ACSS1: variants seen among roughly 807,000 people sequenced by gnomAD.
ACSS1 encodes acetyl-coenzyme A synthetase 2-like, mitochondrial.
Under a neutral mutation model 75.3 loss-of-function variants are expected in ACSS1, and 42 were observed. The ratio of observed to expected loss-of-function variants is 0.56; its 90% CI spans 0.44 to 0.72. ACSS1 has a LOEUF of 0.72. Among genes scored for constraint, ACSS1 ranks in the 30% least tolerant of loss-of-function variants. The pLI, the probability that ACSS1 is intolerant of heterozygous loss-of-function variation, is 0.00. For synonymous variants in ACSS1, 380 were observed against 376.8 expected (o/e 1.01, Z -0.10); for missense variants, 782 against 935.7 (o/e 0.84, Z 2.14).
At chr20:25,053,167 G>A (rs1196505775) in intron 1 of ACSS1, among the ~76,000 whole-genome samples, 1 of 149,822 alleles carries the variant, frequency 6.7e-6, no homozygotes, top group African/African-American at 2.5e-5. Context: ...GGGCTCAAGG[G>A]ATCCTCCCAC....
intron 2 of ACSS1, among the ~76,000 whole-genome samples, chr20:25,042,901 C>T (rs1311071388): frequency 6.6e-6 from 1 of 152,184 alleles, no homozygotes; most frequent in Non-Finnish European, 1.5e-5. Flanking sequence ...ATCCCACATG[C>T]CCCTCTCCAC....
intron 12 of ACSS1, 184 bp downstream of exon 12, chr20:25,012,417 G>A (rs45501494): frequency 0.091 from 63,922 of 703,526 alleles, 3,309 homozygotes; most frequent in African/African-American, 0.11. Context: ...TCAGAAACCC[G>A]ACCGAACACG....
chr20:25,013,900 G>C, intron 9 of ACSS1, 61 bp downstream of exon 9: 1 of 1,529,286 alleles, frequency 6.5e-7, no homozygotes, highest in Non-Finnish European at 9.0e-7. Context: ...AGCTGGGCTG[G>C]GCAGGCAGGG....
At chr20:25,044,960 G>T (rs1224288615) in intron 2 of ACSS1, among the ~76,000 whole-genome samples, 1 of 152,228 alleles carries the variant, frequency 6.6e-6, no homozygotes, top group Non-Finnish European at 1.5e-5. Context: ...GGAGGAAGCG[G>T]GGCAAAACCG....
At chr20:25,054,739 G>A (rs1347971405) in intron 1 of ACSS1, among the ~76,000 whole-genome samples, 3 of 152,222 alleles carry the variant, frequency 2.0e-5, no homozygotes, top group Non-Finnish European at 4.4e-5. Flanking sequence ...AGGAGCAGGA[G>A]CAAGTGTTAA....
chr20:25,041,305 A>G (rs966845284), intron 2 of ACSS1, among the ~76,000 whole-genome samples: 2 of 151,934 alleles, frequency 1.3e-5, no homozygotes, highest in African/African-American at 4.8e-5. Context: ...GGTGAGAAGC[A>G]AAAGCATGCA....
At chr20:25,015,321 TTTTC>T in intron 7 of ACSS1, 91 bp from the exon 8 acceptor site, 1 of 1,173,284 alleles carries the variant, frequency 8.5e-7, no homozygotes, top group Non-Finnish European at 1.2e-6. Flanking sequence ...TTGTTTTTGT[TTTTC>T]TTTGAGACTG....
chr20:25,058,139 T>C lies in ACSS1; in HGVS notation c.-37A>G. ...ACCTGAGCTCTCTGTGCTCCCAGAG[T>C]GGGTGCCTCACGCCCGGGGCGCCCC... On this transcript the variant is annotated 5_prime_UTR_variant, in exon 1 of 14. Transcript: ENST00000323482. 8.2e-7 allele frequency: 1 copy of C among 1,223,554 alleles called. No individual in the cohort carries two copies. Among genetic ancestry groups the C allele is most frequent in the East Asian group, 3.4e-5 (1 of 29,826 alleles). The allele number at this position is 1,223,554 out of a possible 1,614,324, so 75.8% of individuals were successfully genotyped here. A position where few individuals can be genotyped will look rare whatever the true frequency, so the allele number is the denominator to read the frequency against.
chr20:25,015,653 TACAAGGAG>T (rs2088504349), intron 7 of ACSS1, among the ~76,000 whole-genome samples: 1 of 152,152 alleles, frequency 6.6e-6, no homozygotes, highest in South Asian at 2.1e-4. Flanking sequence ...TTGAAGAACA[TACAAGGAG>T]ACCTGAAAAT....
At chr20:25,043,087 C>A (rs2089030429) in intron 2 of ACSS1, among the ~76,000 whole-genome samples, 1 of 152,096 alleles carries the variant, frequency 6.6e-6, no homozygotes, top group African/African-American at 2.4e-5. Context: ...AGGGACAGGG[C>A]AGGCAGGGCA....
intron 1 of ACSS1, 22 bp from the exon 2 acceptor site, chr20:25,048,203 G>A (rs768980536): frequency 1.4e-5 from 22 of 1,607,182 alleles, no homozygotes; most frequent in South Asian, 7.7e-5. Context: ...GAGGGTTTGC[G>A]GATGTTACAC....
intron 2 of ACSS1, among the ~76,000 whole-genome samples, chr20:25,032,146 C>A (rs1003452653): frequency 6.6e-6 from 1 of 152,220 alleles, no homozygotes; most frequent in Admixed American, 6.5e-5. Context: ...CCCCGCCCAG[C>A]CCCCATGTCG....
chr20:25,043,318 C>G (rs961683923), intron 2 of ACSS1, among the ~76,000 whole-genome samples: 1 of 152,200 alleles, frequency 6.6e-6, no homozygotes, highest in Non-Finnish European at 1.5e-5. Context: ...TGGCTGTGTT[C>G]GAAGACATCC....
At chr20:25,009,054 G>C (rs2088361178) in intron 13 of ACSS1, among the ~76,000 whole-genome samples, 1 of 152,224 alleles carries the variant, frequency 6.6e-6, no homozygotes, top group Non-Finnish European at 1.5e-5. Context: ...AACCTGCCTA[G>C]GCGACCTCCT....
intron 6 of ACSS1, among the ~76,000 whole-genome samples, chr20:25,020,542 C>T (rs1438597163): frequency 6.6e-6 from 1 of 152,262 alleles, no homozygotes; most frequent in Non-Finnish European, 1.5e-5. Flanking sequence ...AGTACAGCTG[C>T]CACTGCGTGT....
intron 13 of ACSS1, among the ~76,000 whole-genome samples, chr20:25,008,268 T>A (rs1390920891): frequency 6.6e-6 from 1 of 152,228 alleles, no homozygotes; most frequent in Non-Finnish European, 1.5e-5. Context: ...AAGCACCCAC[T>A]GGGTGCCTCA....
At chr20:25,022,360 A>AAAAAC (rs3086647) in intron 5 of ACSS1, among the ~76,000 whole-genome samples, 130 of 151,734 alleles carry the variant, frequency 8.6e-4, no homozygotes, top group Middle Eastern at 6.8e-3. Flanking sequence ...GACTCCATGA[A>AAAAAC]AAAACAAAAC....
chr20:25,007,333 A>G lies in ACSS1; in HGVS notation c.*429T>C. ...GTTGCATGCTGTTCTTCCACAATAT[A>G]AAAGTATAAAAATAAGATTTCTGAC... On this transcript the variant is annotated 3_prime_UTR_variant, in exon 14 of 14. Coordinates refer to ENST00000323482, the MANE Select transcript of ACSS1 (RefSeq NM_032501.4). The G allele has an allele frequency of 7.5e-6, 8 of 1,072,986 alleles. No homozygotes were observed. The South Asian group carries it at 2.4e-4, about 33-fold the overall frequency. 66.5% of individuals were successfully genotyped at this position (1,072,986 alleles called of 1,614,324 possible).
chr20:25,024,350 C>T (rs926911615), intron 3 of ACSS1, among the ~76,000 whole-genome samples: 2 of 152,206 alleles, frequency 1.3e-5, no homozygotes, highest in African/African-American at 2.4e-5. Flanking sequence ...GCCTCAAGAC[C>T]CCAGGAAAAG....
Sources: gnomAD v4.1 joint callset for allele counts (sites outside exome capture counted in the v4.1 genomes callset) on GRCh38, gnomAD v4.1.1 for gene constraint, MANE v1.5 for transcripts, NCBI Gene and HGNC (gene_info 2026-07-23, HGNC 2026-07-21) for gene names.